The following NRG1 variants were observed in gnomAD, a reference collection of about 807,000 sequenced individuals.
NRG1 encodes neuregulin 1, also known as pro-neuregulin-1, membrane-bound isoform.
Under a neutral mutation model 63.8 loss-of-function variants are expected in NRG1, and 18 were observed. The observed-to-expected ratio is 0.28, with a 90% CI of 0.19 to 0.42. NRG1 has a LOEUF of 0.42. Ranked by LOEUF, NRG1 falls within the 10% of genes least tolerant of loss-of-function variation. NRG1 has a pLI of 1.00. For synonymous variants in NRG1, 302 were observed against 301.3 expected, an observed-to-expected ratio of 1.00 and a Z score of -0.02; for missense variants, 762 against 814.7, an observed-to-expected ratio of 0.94 and a Z score of 0.79.
intron 1 of NRG1, among the ~76,000 whole-genome samples, chr8:31,868,322 A>G (rs1308728291): frequency 6.6e-6 from 1 of 152,186 alleles, no homozygotes; most frequent in Non-Finnish European, 1.5e-5. Flanking sequence ...GAAGTCAACA[A>G]CTGAGGGAAA....
intron 1 of NRG1, among the ~76,000 whole-genome samples, chr8:31,808,857 A>G (rs1451533557): frequency 1.3e-5 from 2 of 151,666 alleles, no homozygotes; most frequent in Non-Finnish European, 2.9e-5. Context: ...TAAGGTGTCT[A>G]TTTTCTTTGC....
intron 1 of NRG1, among the ~76,000 whole-genome samples, chr8:32,464,160 C>T (rs1427128019): frequency 6.6e-6 from 1 of 151,780 alleles, no homozygotes; most frequent in Non-Finnish European, 1.5e-5. Flanking sequence ...CCCCAGAGTG[C>T]TGGGATTACA....
At chr8:32,231,871 G>A (rs1305746484) in intron 1 of NRG1, among the ~76,000 whole-genome samples, 1 of 150,744 alleles carries the variant, frequency 6.6e-6, no homozygotes, top group East Asian at 2.0e-4. Context: ...CTCCAGCCTG[G>A]GCAACAGATC....
At chr8:31,645,011 T>A (rs988746065) in intron 1 of NRG1, among the ~76,000 whole-genome samples, 4 of 152,188 alleles carry the variant, frequency 2.6e-5, no homozygotes, top group Non-Finnish European at 4.4e-5. Flanking sequence ...TAGTGCAACA[T>A]GGCTTAGTGA....
intron 1 of NRG1, among the ~76,000 whole-genome samples, chr8:32,521,443 C>T (rs774669433): frequency 1.2e-4 from 18 of 152,068 alleles, no homozygotes; most frequent in Non-Finnish European, 1.5e-4. Flanking sequence ...GCTCGTGATG[C>T]AACAGTCATG....
intron 1 of NRG1, among the ~76,000 whole-genome samples, chr8:31,875,036 C>T (rs1035287798): frequency 5.3e-5 from 8 of 152,164 alleles, no homozygotes; most frequent in African/African-American, 1.9e-4. Flanking sequence ...TAGTTGCCAG[C>T]ACCCTTTTCC....
intron 1 of NRG1, among the ~76,000 whole-genome samples, chr8:31,944,295 A>C (rs910755032): frequency 6.6e-6 from 1 of 152,208 alleles, no homozygotes; most frequent in African/African-American, 2.4e-5. Flanking sequence ...TATGTGTCAG[A>C]CAGCTTTAAC....
chr8:32,050,584 C>A (rs566724262), intron 1 of NRG1, among the ~76,000 whole-genome samples: 1 of 152,118 alleles, frequency 6.6e-6, no homozygotes, highest in Non-Finnish European at 1.5e-5. Context: ...GTGAATACCC[C>A]CTCCACACAT....
At chr8:32,402,445 G>T (rs1438207116) in intron 1 of NRG1, among the ~76,000 whole-genome samples, 1 of 152,034 alleles carries the variant, frequency 6.6e-6, no homozygotes, top group African/African-American at 2.4e-5. Context: ...CAATTCATAA[G>T]TGTTAAATTG....
chr8:32,124,229 T>C lies in NRG1; in HGVS notation c.38-471599T>C, dbSNP rs958811904. On this transcript the variant is annotated intron_variant, in intron 1 of 10. Transcript: ENST00000519301. ...CTCCTTTCAAAGCATTCTTTAGCCATGCACCAAGTTCGAACAATGACGAAT... is the reference window on the plus strand; with the variant it reads ...CTCCTTTCAAAGCATTCTTTAGCCACGCACCAAGTTCGAACAATGACGAAT... 2.6e-5 allele frequency among the ~76,000 whole-genome samples: 4 copies of C among 152,076 alleles called. No individual in the cohort carries two copies. In the East Asian group the frequency reaches 7.8e-4, roughly 30 times the overall value.
chr8:32,044,441 A>G (rs925137606), intron 1 of NRG1, among the ~76,000 whole-genome samples: 1 of 151,856 alleles, frequency 6.6e-6, no homozygotes, highest in Non-Finnish European at 1.5e-5. Flanking sequence ...GAAGGAAAAA[A>G]CCAACTGACT....
intron 1 of NRG1, among the ~76,000 whole-genome samples, chr8:32,530,252 T>C (rs1008757199): frequency 1.3e-5 from 2 of 152,080 alleles, no homozygotes; most frequent in Non-Finnish European, 2.9e-5. Context: ...GGACTACAGG[T>C]GCCCGCCACC....
intron 1 of NRG1, among the ~76,000 whole-genome samples, chr8:32,489,211 G>A (rs10098131): frequency 0.62 from 94,640 of 151,830 alleles, 29,731 homozygotes; most frequent in East Asian, 0.79. Context: ...GTGAGCATGC[G>A]CAGTGTGTTT....
intron 1 of NRG1, among the ~76,000 whole-genome samples, chr8:32,494,428 G>A (rs1826954088): frequency 6.6e-6 from 1 of 151,870 alleles, no homozygotes; most frequent in African/African-American, 2.4e-5. Context: ...CACATGAATT[G>A]TCTCCAAATA....
intron 1 of NRG1, among the ~76,000 whole-genome samples, chr8:31,847,672 T>A (rs1368505406): frequency 6.6e-6 from 1 of 152,244 alleles, no homozygotes; most frequent in Non-Finnish European, 1.5e-5. Context: ...ACATAAATGT[T>A]ACCAGCTGCA....
intron 5 of NRG1, among the ~76,000 whole-genome samples, chr8:32,686,095 T>C (rs954575522): frequency 6.6e-6 from 1 of 152,238 alleles, no homozygotes; most frequent in African/African-American, 2.4e-5. Context: ...TTTCTTTCTG[T>C]GGTCTAGTCT....
At chr8:32,325,961 G>A (rs1251431455) in intron 1 of NRG1, among the ~76,000 whole-genome samples, 2 of 151,424 alleles carry the variant, frequency 1.3e-5, no homozygotes, top group African/African-American at 2.4e-5. Context: ...CCCATATTAA[G>A]TCTAGAAATG....
intron 1 of NRG1, among the ~76,000 whole-genome samples, chr8:32,333,795 C>A (rs1049439633): frequency 1.3e-5 from 2 of 152,152 alleles, no homozygotes; most frequent in Admixed American, 1.3e-4. Flanking sequence ...TTTCCTGTTC[C>A]TTTCCTGTTA....
chr8:32,303,182 TC>T (rs139164564), intron 1 of NRG1, among the ~76,000 whole-genome samples: 15,048 of 30,660 alleles, frequency 0.49, 3,203 homozygotes, highest in South Asian at 0.67. Flanking sequence ...AAACTCAGTC[TC>T]CAAAAAAAAA....
Sources: gnomAD v4.1 joint callset for allele counts (sites outside exome capture counted in the v4.1 genomes callset) on GRCh38, gnomAD v4.1.1 for gene constraint, MANE v1.5 for transcripts, NCBI Gene and HGNC (gene_info 2026-07-23, HGNC 2026-07-21) for gene names.